AGPAT2: variants seen among roughly 807,000 people sequenced by gnomAD.
AGPAT2 encodes 1-acylglycerol-3-phosphate O-acyltransferase 2, also known as 1-acyl-sn-glycerol-3-phosphate acyltransferase beta.
AGPAT2 carries 18 observed loss-of-function variants against 26.1 expected under a neutral mutation model. The ratio of observed to expected loss-of-function variants is 0.69; its 90% CI spans 0.48 to 1.02. The LOEUF is 1.02. Among genes scored for constraint, AGPAT2 ranks in the 50% least tolerant of loss-of-function variants. The pLI, the probability that AGPAT2 is intolerant of heterozygous loss-of-function variation, is 0.00. For synonymous variants in AGPAT2, 200 were observed against 174.2 expected (o/e 1.15, Z -1.16); for missense variants, 415 against 394.9 (o/e 1.05, Z -0.43).
At chr9:136,683,020 G>C (rs1301753443) in intron 1 of AGPAT2, among the ~76,000 whole-genome samples, 2 of 147,486 alleles carry the variant, frequency 1.4e-5, no homozygotes, top group African/African-American at 5.0e-5. Flanking sequence ...CATCGGGCCA[G>C]GGCAGGACCT....
chr9:136,687,244 G>T lies in AGPAT2; in HGVS notation c.114C>A (p.Phe38Leu). 6.3e-7 allele frequency: 1 copy of T among 1,595,394 alleles called. No homozygotes were observed. ...CGAGCGAGGCCACGGCGGACACCGT[G>T]AAGCACAGCGCGCAGTACAGGGCGA... ...AKVALYCALC[F>L]TVSAVASLVC... Residue 38 changes from phenylalanine to leucine, a missense_variant, in exon 1 of 6, where the codon TTC (phenylalanine) becomes TTA (leucine). By Grantham distance (22) the Phe-to-Leu change is conservative. Coordinates refer to ENST00000371696, the MANE Select transcript of AGPAT2 (RefSeq NM_006412.4).
chr9:136,686,827 T>A (rs1478189281), intron 1 of AGPAT2, among the ~76,000 whole-genome samples: 1 of 152,166 alleles, frequency 6.6e-6, no homozygotes, highest in Non-Finnish European at 1.5e-5. Context: ...GGGCTGAGCC[T>A]CTCCCAGCGC....
rs999788288 is a variant in AGPAT2, at chr9:136,682,146, C to T, written c.183-4590G>A. 2.0e-5 allele frequency among the ~76,000 whole-genome samples: 3 copies of T among 152,216 alleles called. No homozygotes were observed. The East Asian group carries it at 5.8e-4, about 29-fold the overall frequency. Reference sequence around the variant, plus strand: ...CCCCCCTCGGAACCCTGCTTCGGAGCTGGCAGAGTCGTGCTGGGGCGGCGC... The same window carrying T: ...CCCCCCTCGGAACCCTGCTTCGGAGTTGGCAGAGTCGTGCTGGGGCGGCGC... On this transcript the variant is annotated intron_variant, in intron 1 of 5. Coordinates refer to ENST00000371696, the MANE Select transcript of AGPAT2 (RefSeq NM_006412.4).
At chr9:136,680,261 C>G (rs931935527) in intron 1 of AGPAT2, among the ~76,000 whole-genome samples, 1 of 152,230 alleles carries the variant, frequency 6.6e-6, no homozygotes, top group Non-Finnish European at 1.5e-5. Context: ...GGGTCTCACT[C>G]TGTCACCCAG....
intron 1 of AGPAT2, among the ~76,000 whole-genome samples, chr9:136,683,881 C>T (rs148731714): frequency 3.9e-4 from 60 of 152,306 alleles, no homozygotes; most frequent in African/African-American, 1.4e-3. Context: ...TCAGAGGACC[C>T]GGGACCATGC....
rs377413832 is a variant in AGPAT2 at position 136,676,713 on chromosome 9, C to T, written c.493-33G>A. ...GAGAGGAGAGCCTGGACTGACCTCA[C>T]GCCCAGGCCACCCCAGAAAGGCCAC... On this transcript the variant is annotated intron_variant, in intron 3 of 5. Coordinates refer to ENST00000371696, the MANE Select transcript of AGPAT2 (RefSeq NM_006412.4). The T allele has an allele frequency of 1.2e-4, 197 of 1,591,858 alleles. 1 individual carries two copies. Among genetic ancestry groups the T allele is most frequent in the Non-Finnish European group, 1.6e-4 (183 of 1,160,846 alleles).
intron 1 of AGPAT2, among the ~76,000 whole-genome samples, chr9:136,685,045 G>A (rs1054843261): frequency 6.6e-6 from 1 of 152,234 alleles, no homozygotes; most frequent in African/African-American, 2.4e-5. Flanking sequence ...AGTCATCAGG[G>A]ACCCTGGGGC....
At chr9:136,680,099 T>G (rs1846140899) in intron 1 of AGPAT2, among the ~76,000 whole-genome samples, 1 of 152,180 alleles carries the variant, frequency 6.6e-6, no homozygotes. Context: ...GAAGGACATG[T>G]GTATGATTTC....
rs1846098402 is a variant in AGPAT2 at position 136,676,976 on chromosome 9, G to T, written c.477C>A (p.Arg159=). ...AMTVMADLGE[R]MVRENLKVWI... is the part of the protein sequence containing the mutation. Reference sequence around the variant, plus strand: ...GCACACTCACGTTCTCCCTGACCATGCGCTCGCCCAGGTCGGCCATCACTG... The same window carrying T: ...GCACACTCACGTTCTCCCTGACCATTCGCTCGCCCAGGTCGGCCATCACTG... The change falls in exon 3 of 6, where the codon CGC becomes CGA. Residue 159 remains arginine, a synonymous_variant. Coordinates refer to ENST00000371696, the MANE Select transcript of AGPAT2 (RefSeq NM_006412.4). The T allele has an allele frequency of 2.0e-6, 3 of 1,513,242 alleles. No homozygotes were observed. The highest frequency in any genetic ancestry group is 2.8e-5 in the African/African-American group (2 of 70,668). The allele number at this position is 1,513,242 out of a possible 1,614,324, so 93.7% of individuals were successfully genotyped here. A position where few individuals can be genotyped will look rare whatever the true frequency, so the allele number is the denominator to read the frequency against.
intron 1 of AGPAT2, among the ~76,000 whole-genome samples, chr9:136,678,021 G>T (rs1226237194): frequency 2.0e-5 from 3 of 152,194 alleles, no homozygotes; most frequent in Non-Finnish European, 4.4e-5. Context: ...TCAAGGCAGG[G>T]CCACATCAGG....
intron 5 of AGPAT2, among the ~76,000 whole-genome samples, chr9:136,674,415 G>A (rs1305883400): frequency 6.6e-6 from 1 of 152,252 alleles, no homozygotes; most frequent in Admixed American, 6.5e-5. Context: ...CCCTATGCGG[G>A]CATCAGCCTG....
intron 1 of AGPAT2, among the ~76,000 whole-genome samples, chr9:136,686,648 A>G (rs978080156): frequency 2.0e-5 from 3 of 152,182 alleles, no homozygotes; most frequent in African/African-American, 2.4e-5. Context: ...GCGAAGAGGA[A>G]AGGGAGAGAA....
At chr9:136,676,104 C>A (rs1166411216) in intron 4 of AGPAT2, among the ~76,000 whole-genome samples, 3 of 152,202 alleles carry the variant, frequency 2.0e-5, no homozygotes, top group Admixed American at 6.5e-5. Context: ...AGGCTGGGGA[C>A]CAGGAAGTCC....
At chr9:136,684,285 G>A (rs1026159613) in intron 1 of AGPAT2, among the ~76,000 whole-genome samples, 16 of 152,206 alleles carry the variant, frequency 1.1e-4, no homozygotes, top group Admixed American at 2.6e-4. Context: ...TGTAGGACAC[G>A]GAGCCGCTCT....
intron 1 of AGPAT2, among the ~76,000 whole-genome samples, chr9:136,681,906 C>G (rs1308700661): frequency 6.6e-6 from 1 of 152,146 alleles, no homozygotes; most frequent in Non-Finnish European, 1.5e-5. Flanking sequence ...AGAGAAAAAT[C>G]GCCTTCTAAG....
chr9:136,677,650 G>A (rs1846111399), intron 1 of AGPAT2, 94 bp from the exon 2 acceptor site: 4 of 1,499,262 alleles, frequency 2.7e-6, no homozygotes, highest in Non-Finnish European at 3.7e-6. Flanking sequence ...AGGAGGCTGG[G>A]GAGGGGCCCT....
chr9:136,686,857 C>T (rs1846227468), intron 1 of AGPAT2, among the ~76,000 whole-genome samples: 1 of 152,258 alleles, frequency 6.6e-6, no homozygotes, highest in African/African-American at 2.4e-5. Flanking sequence ...CCCTTTCTCT[C>T]CGAAAGCTGC....
intron 1 of AGPAT2, among the ~76,000 whole-genome samples, chr9:136,681,232 G>A (rs970723784): frequency 6.6e-5 from 10 of 151,814 alleles, no homozygotes; most frequent in African/African-American, 1.5e-4. Context: ...GTGTCCCGCC[G>A]CCCACCACCG....
chr9:136,674,710 C>T (rs200951118), intron 5 of AGPAT2, 25 bp downstream of exon 5: 1 of 1,423,140 alleles, frequency 7.0e-7, no homozygotes, highest in South Asian at 1.6e-5. Flanking sequence ...GGGCCTACAC[C>T]CCGGGTGCAC....
Sources: gnomAD v4.1 joint callset for allele counts (sites outside exome capture counted in the v4.1 genomes callset) on GRCh38, gnomAD v4.1.1 for gene constraint, MANE v1.5 for transcripts, NCBI Gene and HGNC (gene_info 2026-07-23, HGNC 2026-07-21) for gene names.